The following SLC2A4RG variants were observed in gnomAD, a reference collection of about 807,000 sequenced individuals.
SLC2A4RG encodes the protein SLC2A4 regulator, also known as GLUT4 enhancer factor.
SLC2A4RG carries 23 observed loss-of-function variants against 35.5 expected under a neutral mutation model. The observed-to-expected ratio is 0.65, with a 90% CI of 0.47 to 0.92. The LOEUF (loss-of-function observed/expected upper bound fraction) is 0.92, where lower values mean the gene tolerates loss of function less well. SLC2A4RG is among the 40% of genes least tolerant of loss of function. The pLI, the probability that SLC2A4RG is intolerant of heterozygous loss-of-function variation, is 0.00. For missense variants in SLC2A4RG, 539 were observed against 525.0 expected, an observed-to-expected ratio of 1.03 and a Z score of -0.26; for synonymous variants, 306 against 243.7, an observed-to-expected ratio of 1.26 and a Z score of -2.38.
chr20:63,742,553 C>T lies in SLC2A4RG; in HGVS notation c.898C>T (p.Pro300Ser). 1 of 1,570,366 alleles carries T rather than the reference C, an allele frequency of 6.4e-7. No individual in the cohort carries two copies. The highest frequency in any genetic ancestry group is 8.6e-7 in the Non-Finnish European group (1 of 1,157,082). ...GCGGCCGCCTGCCCCGCCCCTGCCC[C>T]CGCCCCCTGTCCTGAGCACCGTTGC... Reference protein sequence around the residue: ...PLRPPAPPLPPPPVLSTVANP... With the variant: ...PLRPPAPPLPSPPVLSTVANP... The change falls in exon 6 of 8, where the codon CCG becomes TCG. Residue 300 changes from proline (P) to serine (S), a missense_variant. Transcript: ENST00000266077.
chr20:63,742,408 C>T lies in SLC2A4RG; in HGVS notation c.753C>T (p.Asp251=), dbSNP rs1286470667. Residue 251 remains aspartate, a synonymous_variant, in exon 6 of 8, where the codon GAC becomes GAT. Coordinates refer to ENST00000266077, the MANE Select transcript of SLC2A4RG (RefSeq NM_020062.4). ...FYYTELDVGV[D]TLTDGLSSLT... is the part of the protein sequence containing the mutation. ...ACACAGAGCTGGATGTTGGTGTGGA[C>T]ACGCTGACCGACGGGCTGTCCAGCC... 8 of 1,611,026 alleles carry T rather than the reference C, an allele frequency of 5.0e-6. No homozygotes were observed. The highest frequency in any genetic ancestry group is 6.8e-6 in the Non-Finnish European group (8 of 1,179,332).
chr20:63,740,562 G>A (rs1159220092), intron 2 of SLC2A4RG, 31 bp downstream of exon 2: 2 of 1,227,896 alleles, frequency 1.6e-6, no homozygotes, highest in Non-Finnish European at 2.0e-6. Context: ...CTCGGGACTC[G>A]GTGTGCGCAG....
At chr20:63,740,245 G>C (rs2092034870) in intron 1 of SLC2A4RG, 132 bp from the exon 2 acceptor site, 1 of 559,120 alleles carries the variant, frequency 1.8e-6, no homozygotes, top group African/African-American at 2.0e-5. Flanking sequence ...GGGGCCGGGG[G>C]CGGGGCCGCG....
At chr20:63,740,325 C>G (rs1282700298) in intron 1 of SLC2A4RG, 52 bp from the exon 2 acceptor site, 1 of 1,145,038 alleles carries the variant, frequency 8.7e-7, no homozygotes, top group Non-Finnish European at 1.1e-6. Flanking sequence ...GTTGAGGGAC[C>G]CCCCTCCCCC....
At position 63,743,078 on chromosome 20, in the gene SLC2A4RG, A is replaced by AG; in HGVS notation, c.*92dup. On this transcript the variant is annotated 3_prime_UTR_variant, in exon 8 of 8. Coordinates refer to ENST00000266077, the MANE Select transcript of SLC2A4RG (RefSeq NM_020062.4). ...GCTGAAACAGCCCGAGGACAGCCCC[A>AG]GGGGCTGGCTTTCACCAGCTGCAGG... The AG allele has an allele frequency of 1.7e-6, 1 of 588,314 alleles. No individual in the cohort carries two copies. The highest frequency in any genetic ancestry group is 2.2e-6 in the Non-Finnish European group (1 of 449,814). 36.4% of individuals were successfully genotyped at this position (588,314 alleles called of 1,614,324 possible). A position where few individuals can be genotyped will look rare whatever the true frequency, so the allele number is the denominator to read the frequency against.
Position 63,740,373 on chromosome 20 carries a change from G to A in SLC2A4RG, c.127-4G>A. The A allele has an allele frequency of 8.2e-7, 1 of 1,225,272 alleles. No individual in the cohort carries two copies. 75.9% of individuals were successfully genotyped at this position (1,225,272 alleles called of 1,614,324 possible). A position where few individuals can be genotyped will look rare whatever the true frequency, so the allele number is the denominator to read the frequency against. On this transcript the variant is annotated splice_region_variant and splice_polypyrimidine_tract_variant and intron_variant, in intron 1 of 7. Transcript: ENST00000266077. ...CGCTGAGTCTGCCCCCTCCCCATCC[G>A]CAGGGCTCTTCCGTGGGCGGCGGCT...
Position 63,739,835 on chromosome 20 carries a change from G to GCCAGC in SLC2A4RG, c.-75_-71dup. The GCCAGC allele has an allele frequency of 1.0e-6, 1 of 975,356 alleles. No homozygotes were observed. Among genetic ancestry groups the GCCAGC allele is most frequent in the Non-Finnish European group, 1.2e-6 (1 of 825,902 alleles). The allele number at this position is 975,356 out of a possible 1,614,324, so 60.4% of individuals were successfully genotyped here. Reference sequence around the variant, plus strand: ...ATCCAGGGCGGGGGTCGGCGGCCCGGCCAGCCCGGCCCGGCCCGGGGCCGC... The same window carrying GCCAGC: ...ATCCAGGGCGGGGGTCGGCGGCCCGGCCAGCCCAGCCCGGCCCGGCCCGGGGCCGC... On this transcript the variant is annotated 5_prime_UTR_variant, in exon 1 of 8. Coordinates refer to ENST00000266077, the MANE Select transcript of SLC2A4RG (RefSeq NM_020062.4).
At position 63,742,622 on chromosome 20, in the gene SLC2A4RG, G is replaced by T; in HGVS notation, c.960+7G>T. The stretch of plus-strand genomic sequence containing the variant: ...CAGTGACCGTGTCTACCAGGTGGGT[G>T]AGGCCACGGGTGGCAGCTGGGGCGG... On this transcript the variant is annotated splice_region_variant and intron_variant, in intron 6 of 7. Transcript: ENST00000266077. 2 of 1,575,260 alleles carry T rather than the reference G, an allele frequency of 1.3e-6. No individual in the cohort carries two copies. The highest frequency in any genetic ancestry group is 1.2e-5 in the South Asian group (1 of 86,660).
At chr20:63,741,695 A>G (rs2092042289) in intron 3 of SLC2A4RG, among the ~76,000 whole-genome samples, 174 bp from the exon 4 acceptor site, 1 of 152,096 alleles carries the variant, frequency 6.6e-6, no homozygotes. Context: ...CTGGCCACAC[A>G]CGTCTGCCAA....
chr20:63,740,371 C>T lies in SLC2A4RG; in HGVS notation c.127-6C>T. Reference sequence around the variant, plus strand: ...TCCGCTGAGTCTGCCCCCTCCCCATCCGCAGGGCTCTTCCGTGGGCGGCGG... The same window carrying T: ...TCCGCTGAGTCTGCCCCCTCCCCATTCGCAGGGCTCTTCCGTGGGCGGCGG... On this transcript the variant is annotated splice_region_variant and splice_polypyrimidine_tract_variant and intron_variant, in intron 1 of 7. Transcript: ENST00000266077. 3 of 1,227,078 alleles carry T rather than the reference C, an allele frequency of 2.4e-6. No individual in the cohort carries two copies. The highest frequency in any genetic ancestry group is 3.0e-6 in the Non-Finnish European group (3 of 983,976). The allele number at this position is 1,227,078 out of a possible 1,614,324, so 76.0% of individuals were successfully genotyped here. A position where few individuals can be genotyped will look rare whatever the true frequency, so the allele number is the denominator to read the frequency against.
In SLC2A4RG at chr20:63,743,175, C is replaced by T. The variant is rs987637848; in HGVS notation, c.*185C>T. On this transcript the variant is annotated 3_prime_UTR_variant, in exon 8 of 8. Coordinates refer to ENST00000266077, the MANE Select transcript of SLC2A4RG (RefSeq NM_020062.4). ...CCCCCCCGCCAGGTCGGGGAGGGGT[C>T]CCACCACTCAAAGTGCCTCTAAAGA... 9 of 557,652 alleles carry T rather than the reference C, an allele frequency of 1.6e-5. No homozygotes were observed. The highest frequency in any genetic ancestry group is 1.5e-4 in the African/African-American group (8 of 52,986). 34.5% of individuals were successfully genotyped at this position (557,652 alleles called of 1,614,324 possible). A position where few individuals can be genotyped will look rare whatever the true frequency, so the allele number is the denominator to read the frequency against.
intron 2 of SLC2A4RG, 93 bp downstream of exon 2, chr20:63,740,624 G>A (rs2092036799): frequency 5.9e-6 from 7 of 1,185,288 alleles, no homozygotes; most frequent in Non-Finnish European, 7.4e-6. Flanking sequence ...CCAGGTCAGG[G>A]CCCCAGGTTT....
intron 2 of SLC2A4RG, 161 bp from the exon 3 acceptor site, chr20:63,741,209 T>C (rs2092039822): frequency 3.0e-6 from 2 of 659,330 alleles, no homozygotes; most frequent in Non-Finnish European, 5.1e-6. Flanking sequence ...GGCTTTCAGC[T>C]CTCTCTGCAA....
At position 63,741,339 on chromosome 20, in the gene SLC2A4RG, G is replaced by C. The variant is rs771859797; in HGVS notation, c.282-31G>C. On this transcript the variant is annotated intron_variant, in intron 2 of 7. Coordinates refer to ENST00000266077, the MANE Select transcript of SLC2A4RG (RefSeq NM_020062.4). ...GGGAGGGGCCCAGAGCTCTGGCTGGGTCACCCGCACCCCGCCCCCATCTCC... is the reference window on the plus strand; with the variant it reads ...GGGAGGGGCCCAGAGCTCTGGCTGGCTCACCCGCACCCCGCCCCCATCTCC... 7 of 1,603,246 alleles carry C rather than the reference G, an allele frequency of 4.4e-6. No homozygotes were observed. In the South Asian group the frequency reaches 6.6e-5, roughly 15 times the overall value.
chr20:63,741,524 G>A, intron 3 of SLC2A4RG, 45 bp downstream of exon 3: 1 of 1,540,964 alleles, frequency 6.5e-7, no homozygotes, highest in Non-Finnish European at 8.9e-7. Flanking sequence ...TGGGGACAGG[G>A]CTCAGAACCT....
chr20:63,741,156 C>T (rs2092039555), intron 2 of SLC2A4RG: 1 of 578,068 alleles, frequency 1.7e-6, no homozygotes, highest in Middle Eastern at 4.7e-4. Context: ...GTGGAGAACT[C>T]AGGCTTCAGG....
In SLC2A4RG at chr20:63,741,508, T is replaced by A. The variant is rs745887196; in HGVS notation, c.391+29T>A. 8 of 1,594,470 alleles carry A rather than the reference T, an allele frequency of 5.0e-6. No homozygotes were observed. In the Admixed American group the frequency reaches 1.4e-4, roughly 27 times the overall value. ...AGACTCAGATGTCTGCATTTAGGGG[T>A]GTGGGTGGGGACAGGGCTCAGAACC... is the stretch of plus-strand genomic sequence containing the variant. On this transcript the variant is annotated intron_variant, in intron 3 of 7. Transcript: ENST00000266077.
In SLC2A4RG at chr20:63,740,675, G is replaced by A. The variant is rs867088503; in HGVS notation, c.281+144G>A. 7 of 846,414 alleles carry A rather than the reference G, an allele frequency of 8.3e-6. No homozygotes were observed. The South Asian group carries it at 3.7e-4, about 45-fold the overall frequency. The allele number at this position is 846,414 out of a possible 1,614,324, so 52.4% of individuals were successfully genotyped here. A position where few individuals can be genotyped will look rare whatever the true frequency, so the allele number is the denominator to read the frequency against. On this transcript the variant is annotated intron_variant, in intron 2 of 7. Transcript: ENST00000266077. Reference sequence around the variant, plus strand: ...CCCCAAGCTCTTCAGCCCTGGAGGAGCTGAGCAGAAATGATCGATGACTGG... The same window carrying A: ...CCCCAAGCTCTTCAGCCCTGGAGGAACTGAGCAGAAATGATCGATGACTGG...
intron 2 of SLC2A4RG, among the ~76,000 whole-genome samples, chr20:63,740,957 C>T (rs980757802): frequency 6.6e-6 from 1 of 152,184 alleles, no homozygotes; most frequent in Non-Finnish European, 1.5e-5. Flanking sequence ...CCAGTCTCCC[C>T]CTGGCTGCTG....
Sources: allele counts gnomAD v4.1 joint callset (sites outside exome capture counted in the v4.1 genomes callset), GRCh38; gene constraint gnomAD v4.1.1; transcripts MANE v1.5; gene names NCBI Gene and HGNC (gene_info 2026-07-23, HGNC 2026-07-21).